DKK3: variants seen among roughly 807,000 people sequenced by gnomAD.
The protein encoded by DKK3 is dickkopf-related protein 3.
A neutral mutation model predicts 33.2 loss-of-function variants in DKK3; 22 were observed. The observed-to-expected ratio is 0.66, with a 90% CI of 0.47 to 0.95. DKK3 has a LOEUF of 0.95. DKK3 is among the 40% of genes least tolerant of loss of function. The pLI is 0.00. For synonymous variants in DKK3, 194 were observed against 188.8 expected (o/e 1.03, Z -0.23); for missense variants, 398 against 458.4 (o/e 0.87, Z 1.20).
intron 3 of DKK3, among the ~76,000 whole-genome samples, chr11:11,970,532 C>A (rs545364843): frequency 6.6e-6 from 1 of 152,284 alleles, no homozygotes; most frequent in African/African-American, 2.4e-5. Flanking sequence ...TCCCCGGAAC[C>A]TGTGGGTATG....
chr11:11,981,800 A>T (rs2135040285), intron 3 of DKK3, among the ~76,000 whole-genome samples: 1 of 151,962 alleles, frequency 6.6e-6, no homozygotes, highest in South Asian at 2.1e-4. Flanking sequence ...TTCCATCTCT[A>T]CTTTGACCCT....
chr11:11,986,843 A>C (rs1044918440), intron 3 of DKK3, among the ~76,000 whole-genome samples: 1 of 152,216 alleles, frequency 6.6e-6, no homozygotes, highest in African/African-American at 2.4e-5. Context: ...GAATTAGAAA[A>C]CACGTAAAAC....
intron 3 of DKK3, among the ~76,000 whole-genome samples, chr11:11,970,626 G>A (rs1590504168): frequency 1.3e-5 from 2 of 152,170 alleles, no homozygotes; most frequent in East Asian, 3.9e-4. Flanking sequence ...AGCGCACTCT[G>A]GATTATCCAG....
intron 3 of DKK3, among the ~76,000 whole-genome samples, chr11:11,970,467 G>C (rs1297812367): frequency 4.6e-5 from 7 of 152,178 alleles, no homozygotes; most frequent in African/African-American, 1.7e-4. Flanking sequence ...TAGAAAGGTT[G>C]AATGTCTCCA....
At chr11:11,974,762 G>A (rs960114692) in intron 3 of DKK3, among the ~76,000 whole-genome samples, 1 of 152,098 alleles carries the variant, frequency 6.6e-6, no homozygotes, top group Non-Finnish European at 1.5e-5. Context: ...AAGTTAGCTG[G>A]GCATGGTGAC....
At position 11,964,316 on chromosome 11, in the gene DKK3, G is replaced by A; in HGVS notation, c.*148C>T. The A allele has an allele frequency of 2.0e-6, 2 of 1,023,640 alleles. No individual in the cohort carries two copies. Among genetic ancestry groups the A allele is most frequent in the Non-Finnish European group, 2.9e-6 (2 of 699,512 alleles). The allele number at this position is 1,023,640 out of a possible 1,614,324, so 63.4% of individuals were successfully genotyped here. A position where few individuals can be genotyped will look rare whatever the true frequency, so the allele number is the denominator to read the frequency against. The stretch of plus-strand genomic sequence containing the variant: ...AACAGCCTGGGGGAGCTGAACAAAT[G>A]CACAACACCTCATGCTGTCAAGCCA... On this transcript the variant is annotated 3_prime_UTR_variant, in exon 7 of 7. Transcript: ENST00000683431.
intron 3 of DKK3, 109 bp downstream of exon 3, chr11:11,998,587 G>A: frequency 2.1e-6 from 2 of 931,792 alleles, no homozygotes; most frequent in Non-Finnish European, 3.5e-6. Context: ...TGAGTCAGGA[G>A]ACTCCACTCC....
At chr11:11,968,223 G>A (rs1847644768) in intron 4 of DKK3, among the ~76,000 whole-genome samples, 172 bp downstream of exon 4, 1 of 152,166 alleles carries the variant, frequency 6.6e-6, no homozygotes, top group Admixed American at 6.5e-5. Context: ...TCCCAAACTG[G>A]AATGAGTTCC....
intron 3 of DKK3, among the ~76,000 whole-genome samples, chr11:11,987,501 T>A (rs1038224821): frequency 3.3e-5 from 5 of 152,198 alleles, no homozygotes; most frequent in Non-Finnish European, 7.3e-5. Flanking sequence ...GATAGTCCTT[T>A]CCCAACTGTC....
At chr11:11,987,679 C>T (rs1848100039) in intron 3 of DKK3, among the ~76,000 whole-genome samples, 1 of 152,218 alleles carries the variant, frequency 6.6e-6, no homozygotes, top group South Asian at 2.1e-4. Flanking sequence ...TCAGGGGACC[C>T]TGTGAATTCT....
intron 3 of DKK3, among the ~76,000 whole-genome samples, chr11:11,981,494 T>C (rs780344340): frequency 1.3e-5 from 2 of 152,144 alleles, no homozygotes; most frequent in Non-Finnish European, 2.9e-5. Flanking sequence ...TAAGTTTGGG[T>C]AACAGATGCC....
upstream of DKK3, chr11:12,009,056 C>T: frequency 1.0e-6 from 1 of 987,284 alleles, no homozygotes; most frequent in Non-Finnish European, 1.2e-6. Flanking sequence ...GGACCAAGCA[C>T]AGGTCAGCCC....
chr11:11,997,659 C>T (rs76777854), intron 3 of DKK3, among the ~76,000 whole-genome samples: 1,610 of 152,202 alleles, frequency 0.011, 17 homozygotes, highest in Non-Finnish European at 0.017. Flanking sequence ...ACAGTTCCTC[C>T]CCCCACCCCC....
chr11:11,971,700 G>C (rs1035640113), intron 3 of DKK3, among the ~76,000 whole-genome samples: 5 of 152,044 alleles, frequency 3.3e-5, no homozygotes, highest in African/African-American at 1.2e-4. Flanking sequence ...ATTCCTATAA[G>C]ACCCTGCTGT....
upstream of DKK3, chr11:12,009,615 G>A: frequency 1.0e-6 from 1 of 985,878 alleles, no homozygotes; most frequent in Non-Finnish European, 1.2e-6. Context: ...GTTGGGGGTA[G>A]GGGGAATGTT....
rs1334678032 is a variant in DKK3, at chr11:11,965,904, G to A, written c.735C>T (p.Ala245=). Residue 245 remains alanine (A), a synonymous_variant, in exon 6 of 7, where the codon GCC becomes GCT. Transcript: ENST00000683431. ...PVEGELCHDP[A]SRLLDLITWE... ...AGGTGATGAGGTCCAGAAGCCGGCT[G>A]GCGGGGTCATGGCAAAGCTCGCCCT... 6.2e-7 allele frequency: 1 copy of A among 1,614,124 alleles called. No individual in the cohort carries two copies. The highest frequency in any genetic ancestry group is 1.7e-5 in the Admixed American group (1 of 60,034).
chr11:11,964,780 A>G (rs1350201236), intron 6 of DKK3, 94 bp from the exon 7 acceptor site: 2 of 1,532,432 alleles, frequency 1.3e-6, no homozygotes, highest in African/African-American at 2.7e-5. Context: ...TCCCAGCCTC[A>G]CCTTCATGCC....
At chr11:12,004,344 G>T (rs1848494759) in intron 1 of DKK3, among the ~76,000 whole-genome samples, 1 of 152,078 alleles carries the variant, frequency 6.6e-6, no homozygotes, top group Non-Finnish European at 1.5e-5. Context: ...GAAGGCTAGC[G>T]GGAAATAATA....
chr11:11,988,531 G>T (rs953937515), intron 3 of DKK3, among the ~76,000 whole-genome samples: 1 of 152,140 alleles, frequency 6.6e-6, no homozygotes, highest in South Asian at 2.1e-4. Flanking sequence ...GGAAGCCCTC[G>T]CTACCACAGG....
Sources: allele counts gnomAD v4.1 joint callset (sites outside exome capture counted in the v4.1 genomes callset), GRCh38; gene constraint gnomAD v4.1.1; transcripts MANE v1.5; gene names NCBI Gene and HGNC (gene_info 2026-07-23, HGNC 2026-07-21).